Variants in MME observed in about 807,000 individuals in gnomAD.
MME encodes the protein membrane metalloendopeptidase.
Under a neutral mutation model 113.2 loss-of-function variants are expected in MME, and 98 were observed. The ratio of observed to expected loss-of-function variants is 0.87; its 90% CI spans 0.74 to 1.02. The LOEUF (loss-of-function observed/expected upper bound fraction) is 1.02. Among genes scored for constraint, MME ranks in the 50% least tolerant of loss-of-function variants. The probability of loss-of-function intolerance (pLI) is 0.00; values close to 1 mark genes in which losing one functional copy is unlikely to be tolerated. For synonymous variants in MME, 292 were observed against 300.6 expected (o/e 0.97, Z 0.30); for missense variants, 836 against 896.0 (o/e 0.93, Z 0.86).
At chr3:155,077,282 T>C (rs1225349395), upstream of MME, among the ~76,000 whole-genome samples, 1 of 152,226 alleles carries the variant, frequency 6.6e-6, no homozygotes, top group East Asian at 1.9e-4. Flanking sequence ...ACAGTGGTTT[T>C]TAAGGATCCA....
chr3:155,111,307 C>T (rs1037066131), intron 3 of MME, among the ~76,000 whole-genome samples: 26 of 152,134 alleles, frequency 1.7e-4, no homozygotes, highest in African/African-American at 6.0e-4. Context: ...TGCCTTGGCC[C>T]ATGGCCCCAA....
At chr3:155,026,856 C>CA (rs1712803812) in intron 1 of MME, among the ~76,000 whole-genome samples, 1 of 152,160 alleles carries the variant, frequency 6.6e-6, no homozygotes, top group African/African-American at 2.4e-5. Flanking sequence ...TGTCCAGAAG[C>CA]AGGTTGATGA....
intron 7 of MME, 61 bp downstream of exon 7, chr3:155,117,047 A>G (rs2108257410): frequency 1.1e-6 from 1 of 913,370 alleles, no homozygotes. Context: ...TTCCACATAC[A>G]TTGTTGTTAT....
rs143147554 is a variant in MME at position 155,085,112 on chromosome 3, C to T, written c.196+18C>T. 865 of 1,522,308 alleles carry T rather than the reference C, an allele frequency of 5.7e-4. 2 individuals carry two copies. In the African/African-American group the frequency reaches 5.8e-3, roughly 10 times the overall value. 94.3% of individuals were successfully genotyped at this position (1,522,308 alleles called of 1,614,324 possible). On this transcript the variant is annotated intron_variant, in intron 3 of 22. Transcript: ENST00000360490. ...AAAATCAGGTAAGAAATGGTTTTTACGTGTAATAGTTATACAACTGATGTA... is the reference window on the plus strand; with the variant it reads ...AAAATCAGGTAAGAAATGGTTTTTATGTGTAATAGTTATACAACTGATGTA...
At chr3:155,167,081 GTTA>G in intron 18 of MME, 60 bp downstream of exon 18, 1 of 1,590,692 alleles carries the variant, frequency 6.3e-7, no homozygotes. Context: ...TTGATTAAGA[GTTA>G]TTATAATTTA....
upstream of MME, among the ~76,000 whole-genome samples, chr3:155,078,045 TACACACACACACACAC>T (rs34585642): frequency 2.9e-5 from 4 of 139,760 alleles, no homozygotes; most frequent in African/African-American, 8.0e-5. Flanking sequence ...AAAGTAAAAG[TACACACACACACACAC>T]ACACACACAC....
intron 2 of MME, among the ~76,000 whole-genome samples, chr3:155,084,595 A>C (rs1160181023): frequency 6.6e-6 from 1 of 152,222 alleles, no homozygotes; most frequent in East Asian, 1.9e-4. Context: ...GTTTTATTTG[A>C]TTAAAATATA....
chr3:155,147,200 C>G lies in MME; in HGVS notation c.1473C>G (p.Asn491Lys). 1 of 1,605,278 alleles carries G rather than the reference C, an allele frequency of 6.2e-7. No individual in the cohort carries two copies. Among genetic ancestry groups the G allele is most frequent in the Non-Finnish European group, 8.5e-7 (1 of 1,172,250 alleles). The change falls in exon 15 of 23, where the codon AAC (asparagine) becomes AAG (lysine). Residue 491 changes from asparagine to lysine, a missense_variant. Transcript: ENST00000360490. The part of the protein sequence containing the change: ...GYPDDIVSND[N>K]KLNNEYLELN... ...CTGATGACATTGTTTCAAATGATAA[C>G]AAACTGAATAATGAGTACCTCGAGG...
At chr3:155,099,124 A>T (rs1446406370) in intron 3 of MME, among the ~76,000 whole-genome samples, 1 of 152,090 alleles carries the variant, frequency 6.6e-6, no homozygotes, top group African/African-American at 2.4e-5. Flanking sequence ...ACCTGATGGG[A>T]TTAGTTCATA....
chr3:155,047,590 A>G (rs77193693), intron 1 of MME, among the ~76,000 whole-genome samples: 6,653 of 152,156 alleles, frequency 0.044, 158 homozygotes, highest in African/African-American at 0.053. Flanking sequence ...TTTTTTCAGG[A>G]GTGTTCGCTC....
At position 155,138,204 on chromosome 3, in the gene MME, A is replaced by G; in HGVS notation, c.823A>G (p.Lys275Glu). 6.2e-7 allele frequency: 1 copy of G among 1,613,734 alleles called. No homozygotes were observed. Among genetic ancestry groups the G allele is most frequent in the Non-Finnish European group, 8.5e-7 (1 of 1,179,742 alleles). The change falls in exon 9 of 23, where the codon AAA (lysine) becomes GAA (glutamate). Residue 275 changes from lysine (K) to glutamate (E), a missense_variant. Coordinates refer to ENST00000360490, the MANE Select transcript of MME (RefSeq NM_007289.4). ...DENQLALEMN[K>E]VMELEKEIAN... ...AAACCAGCTTGCTTTGGAAATGAAT[A>G]AAGTTATGGAATTGGAAAAAGAAAT...
At chr3:155,031,058 C>T (rs2108113599) in intron 1 of MME, among the ~76,000 whole-genome samples, 1 of 152,256 alleles carries the variant, frequency 6.6e-6, no homozygotes, top group South Asian at 2.1e-4. Flanking sequence ...TTAAGTCCTA[C>T]AGGGGATCCA....
intron 22 of MME, 86 bp downstream of exon 22, chr3:155,172,698 T>C: frequency 5.8e-6 from 6 of 1,033,404 alleles, no homozygotes; most frequent in Non-Finnish European, 9.1e-6. Context: ...CTAACTCTGA[T>C]TCTTTTACAT....
chr3:155,139,064 G>T (rs1720859445), intron 9 of MME, among the ~76,000 whole-genome samples: 1 of 151,930 alleles, frequency 6.6e-6, no homozygotes, highest in Non-Finnish European at 1.5e-5. Context: ...GCTTTCCTGG[G>T]GCTACGTGAA....
At chr3:155,046,157 G>A (rs2108124638) in intron 1 of MME, among the ~76,000 whole-genome samples, 1 of 152,180 alleles carries the variant, frequency 6.6e-6, no homozygotes, top group African/African-American at 2.4e-5. Context: ...CCTGAGAGCT[G>A]AGAGTTTTTT....
At chr3:155,140,340 T>C (rs752565813) in intron 10 of MME, 48 bp downstream of exon 10, 12 of 1,181,608 alleles carry the variant, frequency 1.0e-5, no homozygotes, top group Non-Finnish European at 1.1e-5. Context: ...TTTTCTAAAT[T>C]ATAACATTGA....
chr3:155,130,448 C>T lies in MME; in HGVS notation c.721-7654C>T, dbSNP rs1289762217. 2.6e-5 allele frequency among the ~76,000 whole-genome samples: 4 copies of T among 152,238 alleles called. No individual in the cohort carries two copies. In the East Asian group the frequency reaches 5.8e-4, roughly 22 times the overall value. On this transcript the variant is annotated intron_variant, in intron 8 of 22. Coordinates refer to ENST00000360490, the MANE Select transcript of MME (RefSeq NM_007289.4). The stretch of plus-strand genomic sequence containing the variant: ...GTAGAAGCTACAGGGTATACTGCTG[C>T]AGGGCATGGCTAGGGAGAAGAAGCC...
intron 2 of MME, among the ~76,000 whole-genome samples, 162 bp from the exon 3 acceptor site, chr3:155,084,897 T>C (rs1305782313): frequency 1.3e-5 from 2 of 152,194 alleles, no homozygotes; most frequent in East Asian, 1.9e-4. Flanking sequence ...TTTATTTTCT[T>C]ATATTTTTTC....
At chr3:155,148,773 T>G in intron 16 of MME, 120 bp downstream of exon 16, 1 of 743,076 alleles carries the variant, frequency 1.3e-6, no homozygotes, top group Admixed American at 2.4e-5. Context: ...AGTCCTCTTT[T>G]TATTGAGAAC....
Sources: gnomAD v4.1 joint callset for allele counts (sites outside exome capture counted in the v4.1 genomes callset) on GRCh38, gnomAD v4.1.1 for gene constraint, MANE v1.5 for transcripts, NCBI Gene and HGNC (gene_info 2026-07-23, HGNC 2026-07-21) for gene names.